GALNT16: variants seen among roughly 807,000 people sequenced by gnomAD.
GALNT16 encodes UDP-GalNAc:polypeptide N-acetylgalactosaminyltransferase-like protein 1.
A neutral mutation model predicts 76.1 loss-of-function variants in GALNT16; 40 were observed. The observed-to-expected ratio is 0.53, with a 90% CI of 0.41 to 0.68. The LOEUF (loss-of-function observed/expected upper bound fraction) is 0.68, where lower values mean the gene tolerates loss of function less well. GALNT16 is among the 30% of genes least tolerant of loss of function. The pLI, the probability that GALNT16 is intolerant of heterozygous loss-of-function variation, is 0.00. For synonymous variants in GALNT16, 276 were observed against 285.2 expected (o/e 0.97, Z 0.32); for missense variants, 621 against 731.9 (o/e 0.85, Z 1.75).
Position 69,331,460 on chromosome 14 carries a change from C to T in GALNT16, c.691-4C>T, listed in dbSNP as rs775207565. On this transcript the variant is annotated splice_polypyrimidine_tract_variant and splice_region_variant and intron_variant, in intron 6 of 14. Transcript: ENST00000448469. ...CCTCACACCATCTCACATCTCTCTC[C>T]TAGGACCACACCCGCGTGGTGAGTC... 6 of 1,575,824 alleles carry T rather than the reference C, an allele frequency of 3.8e-6. No individual in the cohort carries two copies. In the South Asian group the frequency reaches 6.6e-5, roughly 17 times the overall value.
At chr14:69,291,571 C>T (rs199563942) in intron 1 of GALNT16, among the ~76,000 whole-genome samples, 1 of 152,218 alleles carries the variant, frequency 6.6e-6, no homozygotes, top group South Asian at 2.1e-4. Flanking sequence ...AAGCCCTGAC[C>T]TTGAGCCAGC....
chr14:69,322,139 G>A (rs1429152973), intron 2 of GALNT16, among the ~76,000 whole-genome samples: 2 of 152,208 alleles, frequency 1.3e-5, no homozygotes, highest in African/African-American at 2.4e-5. Flanking sequence ...GTCCTGTAAC[G>A]CCAGCACTGT....
chr14:69,377,475 G>T, the GALNT16 span, among the ~76,000 whole-genome samples: 1 of 152,056 alleles, frequency 6.6e-6, no homozygotes, highest in African/African-American at 2.4e-5. Context: ...GGCAATACTA[G>T]TATCATTATG....
At chr14:69,367,644 CA>C in the GALNT16 span, among the ~76,000 whole-genome samples, 1,357 of 63,908 alleles carry the variant, frequency 0.021, 7 homozygotes, top group African/African-American at 0.048. Context: ...CTGTGCAAGG[CA>C]AAAAAAAAAA....
intron 1 of GALNT16, among the ~76,000 whole-genome samples, chr14:69,285,951 C>A (rs72722114): frequency 0.24 from 36,426 of 152,092 alleles, 4,386 homozygotes; most frequent in Middle Eastern, 0.29. Flanking sequence ...CTGACTCCCC[C>A]ACCCGCCCCA....
chr14:69,330,408 C>T (rs567647749), intron 6 of GALNT16, among the ~76,000 whole-genome samples: 3 of 152,242 alleles, frequency 2.0e-5, no homozygotes, highest in South Asian at 2.1e-4. Flanking sequence ...GGTTTCTTGT[C>T]GGGGTGGTGA....
At position 69,328,506 on chromosome 14, in the gene GALNT16, T is replaced by C; in HGVS notation, c.625T>C (p.Phe209Leu). The change falls in exon 6 of 15, where the codon TTT (phenylalanine) becomes CTT (leucine). Residue 209 changes from phenylalanine (F) to leucine (L), a missense_variant. Physicochemically the swap from Phe to Leu is conservative, Grantham distance 22. Transcript: ENST00000448469. Reference protein sequence around the residue: ...ADVAAATVLTFLDSHCEVNTE... With the variant: ...ADVAAATVLTLLDSHCEVNTE... ...CGTGGCTGCAGCTACCGTTCTCACCTTTCTGGATAGCCACTGCGAAGTGAA... is the reference window on the plus strand; with the variant it reads ...CGTGGCTGCAGCTACCGTTCTCACCCTTCTGGATAGCCACTGCGAAGTGAA... The C allele has an allele frequency of 6.2e-7, 1 of 1,613,974 alleles. No individual in the cohort carries two copies. Among genetic ancestry groups the C allele is most frequent in the Non-Finnish European group, 8.5e-7 (1 of 1,179,920 alleles).
At chr14:69,314,921 C>T (rs964941266) in intron 1 of GALNT16, among the ~76,000 whole-genome samples, 16 of 152,054 alleles carry the variant, frequency 1.1e-4, no homozygotes, top group African/African-American at 2.4e-5. Context: ...CCAGCAGGTA[C>T]CTGTTTTACT....
intron 1 of GALNT16, among the ~76,000 whole-genome samples, chr14:69,319,267 A>T (rs1594847296): frequency 6.6e-6 from 1 of 152,332 alleles, no homozygotes; most frequent in Non-Finnish European, 1.5e-5. Flanking sequence ...GACCCTGGGC[A>T]TGCCTGTCCA....
chr14:69,301,631 A>G (rs2044853577), intron 1 of GALNT16, among the ~76,000 whole-genome samples: 1 of 152,028 alleles, frequency 6.6e-6, no homozygotes, highest in Non-Finnish European at 1.5e-5. Flanking sequence ...GAACTACTGC[A>G]CCCAGCCCAA....
At chr14:69,285,175 G>GA (rs2044595127) in intron 1 of GALNT16, among the ~76,000 whole-genome samples, 1 of 151,606 alleles carries the variant, frequency 6.6e-6, no homozygotes, top group African/African-American at 2.4e-5. Flanking sequence ...CGAGTAGCTG[G>GA]GACTACAGGC....
At chr14:69,375,073 C>A in the GALNT16 span, among the ~76,000 whole-genome samples, 1 of 152,170 alleles carries the variant, frequency 6.6e-6, no homozygotes, top group Admixed American at 6.6e-5. Context: ...CACATGCAAA[C>A]GACAGCAGGT....
At chr14:69,327,898 C>T (rs1463486247) in intron 5 of GALNT16, among the ~76,000 whole-genome samples, 1 of 152,088 alleles carries the variant, frequency 6.6e-6, no homozygotes, top group African/African-American at 2.4e-5. Flanking sequence ...AAGCTCTGTC[C>T]CTGTCGTCTT....
At chr14:69,266,539 G>T (rs1487252710) in intron 1 of GALNT16, among the ~76,000 whole-genome samples, 1 of 152,188 alleles carries the variant, frequency 6.6e-6, no homozygotes, top group Non-Finnish European at 1.5e-5. Flanking sequence ...ATTCTGTAGG[G>T]TTCCAAGGAA....
At chr14:69,374,461 A>G in the GALNT16 span, among the ~76,000 whole-genome samples, 1 of 152,184 alleles carries the variant, frequency 6.6e-6, no homozygotes, top group African/African-American at 2.4e-5. Context: ...ACTATATACC[A>G]GGCATTTTCC....
intron 1 of GALNT16, among the ~76,000 whole-genome samples, chr14:69,275,236 T>C (rs1308543500): frequency 6.6e-6 from 1 of 152,166 alleles, no homozygotes; most frequent in Non-Finnish European, 1.5e-5. Flanking sequence ...GCTTAGCCTC[T>C]CCAAAGTAGA....
the GALNT16 span, among the ~76,000 whole-genome samples, chr14:69,362,715 C>T: frequency 1.3e-5 from 2 of 152,200 alleles, no homozygotes; most frequent in Non-Finnish European, 2.9e-5. Context: ...GTGGAAACAG[C>T]AGTCTGGGAA....
At chr14:69,369,160 T>C in the GALNT16 span, among the ~76,000 whole-genome samples, 1 of 152,096 alleles carries the variant, frequency 6.6e-6, no homozygotes, top group Admixed American at 6.6e-5. Context: ...TGATAACTGA[T>C]GAGGGCCTGA....
intron 1 of GALNT16, among the ~76,000 whole-genome samples, chr14:69,298,990 G>T (rs1308800159): frequency 6.6e-6 from 1 of 152,250 alleles, no homozygotes; most frequent in Non-Finnish European, 1.5e-5. Context: ...GAACTAGCTT[G>T]TATCAGAGCA....
Sources: gnomAD v4.1 joint callset for allele counts (sites outside exome capture counted in the v4.1 genomes callset) on GRCh38, gnomAD v4.1.1 for gene constraint, MANE v1.5 for transcripts, NCBI Gene and HGNC (gene_info 2026-07-23, HGNC 2026-07-21) for gene names.